CEMIP: variants seen among roughly 807,000 people sequenced by gnomAD.
CEMIP encodes cell migration-inducing and hyaluronan-binding protein.
Under a neutral mutation model 156.9 loss-of-function variants are expected in CEMIP, and 105 were observed. The ratio of observed to expected loss-of-function variants is 0.67; its 90% confidence interval spans 0.57 to 0.79. CEMIP has a LOEUF of 0.79. Among genes scored for constraint, CEMIP ranks in the 30% least tolerant of loss-of-function variants. The pLI is 0.00. For synonymous variants in CEMIP, 676 were observed against 668.4 expected (o/e 1.01, Z -0.17); for missense variants, 1,457 against 1,769.4 (o/e 0.82, Z 3.17).
At chr15:80,829,323 G>T (rs7173733) in intron 1 of CEMIP, among the ~76,000 whole-genome samples, 7 of 152,078 alleles carry the variant, frequency 4.6e-5, no homozygotes, top group African/African-American at 1.7e-4. Context: ...TACGATTCCT[G>T]ATCCTCATTC....
chr15:80,840,793 C>A (rs1897393094), intron 1 of CEMIP, among the ~76,000 whole-genome samples: 2 of 152,180 alleles, frequency 1.3e-5, no homozygotes, highest in South Asian at 4.1e-4. Flanking sequence ...GACAGGAAGC[C>A]AGCGGTGTTT....
intron 1 of CEMIP, among the ~76,000 whole-genome samples, chr15:80,800,295 A>G (rs1040563294): frequency 6.6e-6 from 1 of 152,026 alleles, no homozygotes; most frequent in Non-Finnish European, 1.5e-5. Flanking sequence ...GTGTGGTTCT[A>G]TGTCCTTTCT....
chr15:80,909,009 G>T, intron 13 of CEMIP, 88 bp from the exon 14 acceptor site: 1 of 1,213,360 alleles, frequency 8.2e-7, no homozygotes, highest in East Asian at 2.4e-5. Flanking sequence ...AAAGAACAAT[G>T]CCTCTGCATC....
intron 15 of CEMIP, 123 bp downstream of exon 15, chr15:80,920,422 C>T: frequency 1.1e-6 from 1 of 883,074 alleles, no homozygotes; most frequent in East Asian, 2.7e-5. Flanking sequence ...GCTTGGGCCT[C>T]ACAGCCCTTA....
intron 1 of CEMIP, among the ~76,000 whole-genome samples, chr15:80,852,820 G>A (rs889812668): frequency 1.3e-5 from 2 of 152,152 alleles, no homozygotes; most frequent in Admixed American, 1.3e-4. Context: ...TCTGGAAGGC[G>A]TTTATTTGAT....
chr15:80,927,932 G>C (rs1900757139), intron 19 of CEMIP, among the ~76,000 whole-genome samples: 1 of 152,228 alleles, frequency 6.6e-6, no homozygotes, highest in African/African-American at 2.4e-5. Context: ...GTGTCTGAAA[G>C]AGGGTGAGCA....
chr15:80,791,138 A>G (rs999507488), intron 1 of CEMIP, among the ~76,000 whole-genome samples: 1 of 152,082 alleles, frequency 6.6e-6, no homozygotes, highest in African/African-American at 2.4e-5. Context: ...TTAGAGAAGA[A>G]CTAGAAGTTT....
chr15:80,792,979 C>T (rs1896120399), intron 1 of CEMIP, among the ~76,000 whole-genome samples: 1 of 152,204 alleles, frequency 6.6e-6, no homozygotes, highest in Non-Finnish European at 1.5e-5. Context: ...AAGTGCTTTA[C>T]ATATATTGGT....
chr15:80,941,756 T>C lies in CEMIP; in HGVS notation c.3408-93T>C, dbSNP rs1032083693. On this transcript the variant is annotated intron_variant, in intron 25 of 29. Transcript: ENST00000394685. ...ATAAGGCCGCTGGGTCTACCTGCTATGACCAGCTCAGAGTAAATGTCTCGG... is the reference window on the plus strand; with the variant it reads ...ATAAGGCCGCTGGGTCTACCTGCTACGACCAGCTCAGAGTAAATGTCTCGG... The C allele has an allele frequency of 4.1e-5, 48 of 1,182,208 alleles. 1 individual carries two copies. The South Asian group carries it at 4.8e-4, about 12-fold the overall frequency. The allele number at this position is 1,182,208 out of a possible 1,614,324, so 73.2% of individuals were successfully genotyped here.
chr15:80,936,836 G>A lies in CEMIP; in HGVS notation c.3172G>A (p.Asp1058Asn). ...GCAGAAGGGCTACACCATCCACTGGGACCAGACGGCCCCCGCCGAACTCGC... is the reference window on the plus strand; with the variant it reads ...GCAGAAGGGCTACACCATCCACTGGAACCAGACGGCCCCCGCCGAACTCGC... ...TLQKGYTIHW[D>N]QTAPAELAIW... Residue 1058 changes from aspartate (D) to asparagine (N), a missense_variant, in exon 24 of 30, where the codon GAC (aspartate) becomes AAC (asparagine). Around this residue, in one of 5 missense-constraint regions of CEMIP, gnomAD observed 798 missense variants for 980.1 expected, o/e 0.81. Coordinates refer to ENST00000394685, the MANE Select transcript of CEMIP (RefSeq NM_001293298.2). The A allele has an allele frequency of 1.9e-6, 3 of 1,614,122 alleles. No homozygotes were observed. The highest frequency in any genetic ancestry group is 4.5e-5 in the East Asian group (2 of 44,880).
At chr15:80,842,902 C>T (rs911169189) in intron 1 of CEMIP, among the ~76,000 whole-genome samples, 1 of 152,146 alleles carries the variant, frequency 6.6e-6, no homozygotes. Context: ...TCCAGGAGGT[C>T]CCAGGGGTCA....
intron 1 of CEMIP, among the ~76,000 whole-genome samples, chr15:80,849,567 T>A (rs994129602): frequency 2.6e-5 from 4 of 152,158 alleles, no homozygotes; most frequent in East Asian, 3.9e-4. Context: ...TCGGGCCAGT[T>A]CACTCCTTAG....
intron 1 of CEMIP, among the ~76,000 whole-genome samples, chr15:80,862,304 G>A (rs74408783): frequency 3.9e-3 from 589 of 152,306 alleles, no homozygotes; most frequent in African/African-American, 0.014. Flanking sequence ...GACCATTGGT[G>A]GACTGGGAAG....
In CEMIP at chr15:80,875,489, TAA is replaced by T. The variant is rs1181949352; in HGVS notation, c.94+1519_94+1520del. Among the ~76,000 whole-genome samples the T allele has an allele frequency of 7.2e-5, 11 of 152,342 alleles. No individual in the cohort carries two copies. In the South Asian group the frequency reaches 2.3e-3, roughly 32 times the overall value. ...GTTTATCTTTTAGGGTGACTTATCC[TAA>T]AAGTGATCCACCTTGGAGAGGTGCC... is the stretch of plus-strand genomic sequence containing the variant. On this transcript the variant is annotated intron_variant, in intron 3 of 29. Coordinates refer to ENST00000394685, the MANE Select transcript of CEMIP (RefSeq NM_001293298.2).
intron 1 of CEMIP, among the ~76,000 whole-genome samples, chr15:80,868,789 C>G (rs11629743): frequency 6.6e-6 from 1 of 151,896 alleles, no homozygotes; most frequent in African/African-American, 2.4e-5. Context: ...ATAGTAAATT[C>G]GTCAATATAT....
intron 1 of CEMIP, among the ~76,000 whole-genome samples, chr15:80,836,814 C>A (rs1336350253): frequency 1.3e-5 from 2 of 152,166 alleles, no homozygotes; most frequent in South Asian, 2.1e-4. Context: ...GAAGACCCTG[C>A]AGTTACCAGG....
chr15:80,925,832 G>T, intron 19 of CEMIP, 77 bp downstream of exon 19: 3 of 1,543,916 alleles, frequency 1.9e-6, no homozygotes, highest in Non-Finnish European at 8.7e-7. Flanking sequence ...AGAGACAGGA[G>T]AGCAAAGCAG....
chr15:80,906,587 G>A lies in CEMIP; in HGVS notation c.1412-76G>A, dbSNP rs28452628. ...GCGATGAGTAAGCAGCAGCCATGGA[G>A]GCACCTGGCAGGGGCCCAGAACTCA... On this transcript the variant is annotated intron_variant, in intron 12 of 29. Coordinates refer to ENST00000394685, the MANE Select transcript of CEMIP (RefSeq NM_001293298.2). The surrounding 1 kb of genome is among the most constrained non-coding windows in gnomAD (Gnocchi z 4.3). The A allele has an allele frequency of 0.01, 14,581 of 1,444,260 alleles. 726 individuals carry two copies. The African/African-American group carries it at 0.14, about 13-fold the overall frequency. The allele number at this position is 1,444,260 out of a possible 1,614,324, so 89.5% of individuals were successfully genotyped here.
rs200344468 is a variant in CEMIP at position 80,936,801 on chromosome 15, T to A, written c.3137T>A (p.Val1046Asp). ...RSTHYQQYQP[V>D]VTLQKGYTIH... is the part of the protein sequence containing the mutation. ...ACCCATTACCAGCAATACCAACCGG[T>A]TGTCACCCTGCAGAAGGGCTACACC... The change falls in exon 24 of 30, where the codon GTT (valine) becomes GAT (aspartate). Residue 1046 changes from valine to aspartate, a missense_variant. By Grantham distance (152) the Val-to-Asp change is radical. Around this residue, in one of 5 missense-constraint regions of CEMIP, gnomAD observed 798 missense variants for 980.1 expected, o/e 0.81. Coordinates refer to ENST00000394685, the MANE Select transcript of CEMIP (RefSeq NM_001293298.2). 3 of 1,614,132 alleles carry A rather than the reference T, an allele frequency of 1.9e-6. No individual in the cohort carries two copies. Among genetic ancestry groups the A allele is most frequent in the Admixed American group, 3.3e-5 (2 of 60,026 alleles).
Sources: allele counts gnomAD v4.1 joint callset (sites outside exome capture counted in the v4.1 genomes callset), GRCh38; gene constraint gnomAD v4.1.1; regional missense constraint gnomAD v4.1.1; non-coding constraint Gnocchi (gnomAD v3.1); transcripts MANE v1.5; gene names NCBI Gene and HGNC (gene_info 2026-07-23, HGNC 2026-07-21).